MAPRE3: variants seen among roughly 807,000 people sequenced by gnomAD.
The protein encoded by MAPRE3 is microtubule associated protein RP/EB family member 3, also known as microtubule-associated protein RP/EB family member 3.
A neutral mutation model predicts 30.5 loss-of-function variants in MAPRE3; 2 were observed. The observed-to-expected ratio is 0.07, with a 90% CI of 0.03 to 0.21. MAPRE3 has a LOEUF of 0.21. Ranked by LOEUF, MAPRE3 falls within the 10% of genes least tolerant of loss-of-function variation. MAPRE3 has a pLI of 1.00. For missense variants in MAPRE3, 204 were observed against 351.8 expected (o/e 0.58, Z 3.36); for synonymous variants, 110 against 127.7 (o/e 0.86, Z 0.93).
At chr2:27,003,306 A>G (rs74520006) in intron 1 of MAPRE3, among the ~76,000 whole-genome samples, 2 of 152,324 alleles carry the variant, frequency 1.3e-5, no homozygotes, top group African/African-American at 4.8e-5. Context: ...CAATGAATCC[A>G]AATGAGCAAG....
At chr2:26,974,981 G>GAA (rs1429673858) in intron 1 of MAPRE3, among the ~76,000 whole-genome samples, 2 of 152,202 alleles carry the variant, frequency 1.3e-5, no homozygotes, top group Non-Finnish European at 2.9e-5. Flanking sequence ...CACGAACAGA[G>GAA]AAAAGGTTTG....
intron 1 of MAPRE3, among the ~76,000 whole-genome samples, chr2:26,984,093 G>C (rs947883470): frequency 3.9e-5 from 6 of 152,148 alleles, no homozygotes; most frequent in Non-Finnish European, 7.3e-5. Context: ...CCATGCATTA[G>C]CTTTCCCATG....
intron 1 of MAPRE3, among the ~76,000 whole-genome samples, chr2:26,979,345 G>A (rs1666071911): frequency 6.6e-6 from 1 of 152,216 alleles, no homozygotes; most frequent in African/African-American, 2.4e-5. Flanking sequence ...CAACACTTTG[G>A]GAGGCCAAGG....
intron 1 of MAPRE3, among the ~76,000 whole-genome samples, chr2:27,000,955 C>T (rs553431092): frequency 3.9e-5 from 6 of 152,096 alleles, no homozygotes; most frequent in Admixed American, 1.3e-4. Flanking sequence ...TTTCTCATCA[C>T]GAAAGTAAGA....
intron 1 of MAPRE3, among the ~76,000 whole-genome samples, chr2:26,981,406 G>A (rs1490825177): frequency 6.6e-6 from 1 of 152,104 alleles, no homozygotes; most frequent in Admixed American, 6.6e-5. Flanking sequence ...GAATGAGGAG[G>A]CAGAGGAATT....
intron 1 of MAPRE3, among the ~76,000 whole-genome samples, chr2:26,988,712 C>G (rs1458485154): frequency 6.6e-6 from 1 of 152,118 alleles, no homozygotes; most frequent in East Asian, 1.9e-4. Context: ...GGAAAGCCAG[C>G]GAAAAATGCA....
intron 1 of MAPRE3, chr2:27,011,987 A>G (rs1190287842): frequency 6.6e-6 from 1 of 151,988 alleles, no homozygotes; most frequent in East Asian, 1.9e-4. Flanking sequence ...AGGCAGGCAG[A>G]TCACAAGGTA....
chr2:27,020,777 T>C (rs1667093743), intron 1 of MAPRE3, among the ~76,000 whole-genome samples: 1 of 151,994 alleles, frequency 6.6e-6, no homozygotes. Flanking sequence ...GGACTTGAAG[T>C]GGGGGAGGGC....
chr2:27,004,082 A>T (rs576308045), intron 1 of MAPRE3, among the ~76,000 whole-genome samples: 7 of 152,304 alleles, frequency 4.6e-5, no homozygotes, highest in Admixed American at 6.5e-5. Flanking sequence ...CGAGCCATAC[A>T]CATAATGATG....
At chr2:27,024,403 G>A in intron 4 of MAPRE3, 106 bp downstream of exon 4, 1 of 1,055,112 alleles carries the variant, frequency 9.5e-7, no homozygotes, top group East Asian at 2.6e-5. Context: ...GCCTGGAGGA[G>A]ACTTGTTATC....
intron 1 of MAPRE3, chr2:27,013,472 G>C (rs1666907959): frequency 6.6e-6 from 1 of 152,238 alleles, no homozygotes; most frequent in African/African-American, 2.4e-5. Flanking sequence ...CACCTCCTCA[G>C]GGTCAACAAA....
rs1666213679 is a variant in MAPRE3, at chr2:26,986,127, G to T, written c.-8+15325G>T. On this transcript the variant is annotated intron_variant, in intron 1 of 6. Coordinates refer to ENST00000233121, the MANE Select transcript of MAPRE3 (RefSeq NM_012326.4). The surrounding 1 kb of genome is among the most constrained non-coding windows in gnomAD (Gnocchi z 4.2). Reference sequence around the variant, plus strand: ...CCTCCAGGAGAAAATCCGCGTCTTTGCCTCCTCCATCCTCTAAAGGCTGCC... The same window carrying T: ...CCTCCAGGAGAAAATCCGCGTCTTTTCCTCCTCCATCCTCTAAAGGCTGCC... Among the ~76,000 whole-genome samples the T allele has an allele frequency of 6.6e-6, 1 of 152,160 alleles. No homozygotes were observed. Among genetic ancestry groups the T allele is most frequent in the Non-Finnish European group, 1.5e-5 (1 of 68,028 alleles).
intron 1 of MAPRE3, among the ~76,000 whole-genome samples, chr2:26,982,129 G>A (rs1325776031): frequency 6.6e-6 from 1 of 152,158 alleles, no homozygotes; most frequent in Non-Finnish European, 1.5e-5. Context: ...TGCCTATTAT[G>A]AAACTTGGCC....
intron 1 of MAPRE3, among the ~76,000 whole-genome samples, chr2:27,016,649 G>T (rs546806158): frequency 3.9e-5 from 6 of 152,228 alleles, no homozygotes; most frequent in African/African-American, 1.2e-4. Flanking sequence ...CTCCCAAAGT[G>T]CTGGGATTAC....
rs754926439 is a variant in MAPRE3, at chr2:27,024,292, C to T, written c.464C>T (p.Thr155Ile). ...IFNKSKKLIG[T>I]AVPQRTSPTG... is the part of the protein sequence containing the mutation. ...AACAAATCCAAGAAACTCATTGGCA[C>T]AGCAGGTAACGTGCCCGAGCCGGGG... The change falls in exon 4 of 7, where the codon ACA becomes ATA. Residue 155 changes from threonine to isoleucine, a missense_variant. Thr to Ile is a moderately conservative substitution (Grantham distance 89). Transcript: ENST00000233121. The T allele has an allele frequency of 1.9e-6, 3 of 1,613,440 alleles. No individual in the cohort carries two copies. The highest frequency in any genetic ancestry group is 2.5e-6 in the Non-Finnish European group (3 of 1,179,540).
At chr2:27,020,690 A>G (rs1667091543) in intron 1 of MAPRE3, among the ~76,000 whole-genome samples, 1 of 152,272 alleles carries the variant, frequency 6.6e-6, no homozygotes, top group East Asian at 1.9e-4. Flanking sequence ...TGTTTCCAAC[A>G]CTATGAGTGC....
intron 1 of MAPRE3, among the ~76,000 whole-genome samples, chr2:27,018,944 T>C (rs1667051351): frequency 6.6e-6 from 1 of 151,258 alleles, no homozygotes; most frequent in Non-Finnish European, 1.5e-5. Context: ...GGAGATGGAT[T>C]CTGGCTCTGT....
chr2:27,026,106 A>G, intron 6 of MAPRE3, 74 bp downstream of exon 6: 1 of 1,562,582 alleles, frequency 6.4e-7, no homozygotes. Context: ...ATAGGGCCAG[A>G]AGGGACCGTG....
intron 1 of MAPRE3, among the ~76,000 whole-genome samples, chr2:26,997,078 A>G (rs1666478120): frequency 6.6e-6 from 1 of 152,228 alleles, no homozygotes; most frequent in African/African-American, 2.4e-5. Context: ...CAAGGCACTT[A>G]TCTTTTTGGG....
Sources: allele counts gnomAD v4.1 joint callset (sites outside exome capture counted in the v4.1 genomes callset), GRCh38; gene constraint gnomAD v4.1.1; non-coding constraint Gnocchi (gnomAD v3.1); transcripts MANE v1.5; gene names NCBI Gene and HGNC (gene_info 2026-07-23, HGNC 2026-07-21).